The following FIG4 variants were observed in gnomAD, a reference collection of about 807,000 sequenced individuals.
FIG4 encodes the protein polyphosphoinositide phosphatase.
A neutral mutation model predicts 118.6 loss-of-function variants in FIG4; 112 were observed. The observed-to-expected ratio is 0.94, with a 90% CI of 0.81 to 1.11. FIG4 has a LOEUF of 1.11. Ranked by LOEUF, FIG4 falls within the 50% of genes least tolerant of loss-of-function variation. The probability of loss-of-function intolerance (pLI) is 0.00; values close to 1 mark genes in which losing one functional copy is unlikely to be tolerated. For missense variants in FIG4, 969 were observed against 1,111.7 expected (o/e 0.87, Z 1.83); for synonymous variants, 369 against 381.2 (o/e 0.97, Z 0.37).
At chr6:109,795,323 A>G (rs1384413662) in intron 21 of FIG4, among the ~76,000 whole-genome samples, 1 of 151,866 alleles carries the variant, frequency 6.6e-6, no homozygotes, top group Non-Finnish European at 1.5e-5. Flanking sequence ...TTCTGTACAA[A>G]TAATCAGTAC....
At chr6:109,813,671 G>C (rs1234595128) in intron 22 of FIG4, among the ~76,000 whole-genome samples, 1 of 152,156 alleles carries the variant, frequency 6.6e-6, no homozygotes, top group African/African-American at 2.4e-5. Flanking sequence ...ATATCCTCTT[G>C]TAATCTCCTC....
At chr6:109,694,458 G>A (rs114167998) in intron 1 of FIG4, among the ~76,000 whole-genome samples, 2,118 of 152,272 alleles carry the variant, frequency 0.014, 50 homozygotes, top group African/African-American at 0.047. Flanking sequence ...AAAGGCTTAA[G>A]TGCAAGACCC....
chr6:109,718,982 G>A (rs1049411220), intron 3 of FIG4, among the ~76,000 whole-genome samples: 1 of 149,720 alleles, frequency 6.7e-6, no homozygotes, highest in Non-Finnish European at 1.5e-5. Flanking sequence ...GCAGTGGCGC[G>A]ACCTTGGCTA....
At chr6:109,762,526 T>C (rs933979864) in intron 12 of FIG4, among the ~76,000 whole-genome samples, 4 of 151,660 alleles carry the variant, frequency 2.6e-5, no homozygotes, top group East Asian at 3.9e-4. Flanking sequence ...TTTTTTCTTA[T>C]AGATTACATA....
intron 4 of FIG4, among the ~76,000 whole-genome samples, chr6:109,729,295 T>TA (rs1343567894): frequency 6.6e-6 from 1 of 152,192 alleles, no homozygotes; most frequent in Non-Finnish European, 1.5e-5. Flanking sequence ...TAAAAGGTTT[T>TA]AGCAAACTAG....
At chr6:109,772,692 A>T (rs916585136) in intron 15 of FIG4, among the ~76,000 whole-genome samples, 1 of 152,100 alleles carries the variant, frequency 6.6e-6, no homozygotes, top group African/African-American at 2.4e-5. Context: ...ACCTCAGGTG[A>T]TCTGCCCGCC....
At position 109,722,096 on chromosome 6, in the gene FIG4, C is replaced by T. The variant is rs149723589; in HGVS notation, c.290-5013C>T. Among the ~76,000 whole-genome samples the T allele has an allele frequency of 1.9e-3, 280 of 151,084 alleles. 4 individuals carry two copies. Among genetic ancestry groups the T allele is most frequent in the Middle Eastern group, 7.0e-3 (2 of 286 alleles). On this transcript the variant is annotated intron_variant, in intron 3 of 22. Coordinates refer to ENST00000230124, the MANE Select transcript of FIG4 (RefSeq NM_014845.6). ...GTGTGTGCTGCTTCTGAAATGCTTA[C>T]TTTTGTAAGTTTTATATTTCTGAAA...
At chr6:109,782,632 C>G (rs1271011557) in intron 16 of FIG4, among the ~76,000 whole-genome samples, 1 of 152,152 alleles carries the variant, frequency 6.6e-6, no homozygotes, top group Non-Finnish European at 1.5e-5. Flanking sequence ...GATAACTTCT[C>G]TACTTTACTC....
intron 4 of FIG4, among the ~76,000 whole-genome samples, chr6:109,731,801 A>G (rs1039310966): frequency 2.0e-5 from 3 of 152,124 alleles, no homozygotes; most frequent in Non-Finnish European, 2.9e-5. Flanking sequence ...CCAATCCCCC[A>G]CAGATACCGA....
At chr6:109,817,176 A>C (rs965205532) in intron 22 of FIG4, among the ~76,000 whole-genome samples, 5 of 152,188 alleles carry the variant, frequency 3.3e-5, no homozygotes, top group Non-Finnish European at 7.3e-5. Flanking sequence ...CTTTGTTGGC[A>C]GAAAAGCCCT....
chr6:109,716,838 T>C (rs1240029343), intron 3 of FIG4, among the ~76,000 whole-genome samples: 2 of 152,194 alleles, frequency 1.3e-5, no homozygotes, highest in African/African-American at 4.8e-5. Flanking sequence ...GTCTGTCTCA[T>C]TGATGAATGA....
At chr6:109,719,848 T>C (rs1775553113) in intron 3 of FIG4, among the ~76,000 whole-genome samples, 1 of 152,228 alleles carries the variant, frequency 6.6e-6, no homozygotes, top group Non-Finnish European at 1.5e-5. Flanking sequence ...GCTTTTAGCA[T>C]ATTCCTAGCC....
At chr6:109,738,231 G>T (rs1776217605) in intron 6 of FIG4, 94 bp from the exon 7 acceptor site, 2 of 1,059,298 alleles carry the variant, frequency 1.9e-6, no homozygotes, top group East Asian at 2.4e-5. Context: ...TTGAATGTCA[G>T]CCAATTTCCA....
chr6:109,747,940 G>T (rs935274331), intron 10 of FIG4, among the ~76,000 whole-genome samples: 2 of 152,030 alleles, frequency 1.3e-5, no homozygotes, highest in Non-Finnish European at 2.9e-5. Flanking sequence ...CATGAACCAT[G>T]GCGCCTGGCT....
At chr6:109,772,334 A>G (rs550887431) in intron 15 of FIG4, among the ~76,000 whole-genome samples, 22 of 152,276 alleles carry the variant, frequency 1.4e-4, no homozygotes, top group Admixed American at 8.5e-4. Flanking sequence ...TATCACATTC[A>G]GCTTTTGACT....
At chr6:109,712,513 T>G (rs1775297205) in intron 1 of FIG4, among the ~76,000 whole-genome samples, 1 of 152,208 alleles carries the variant, frequency 6.6e-6, no homozygotes, top group South Asian at 2.1e-4. Flanking sequence ...CTGAGATTCT[T>G]TCCTCCGCTT....
chr6:109,742,506 C>T (rs1776356295), intron 8 of FIG4, among the ~76,000 whole-genome samples: 1 of 152,016 alleles, frequency 6.6e-6, no homozygotes. Context: ...CAACATTGTT[C>T]TTAAAATTAT....
At chr6:109,702,589 A>G (rs778749330) in intron 1 of FIG4, among the ~76,000 whole-genome samples, 2 of 152,166 alleles carry the variant, frequency 1.3e-5, no homozygotes, top group South Asian at 2.1e-4. Flanking sequence ...TTGCATGTAT[A>G]TATGCCTTTA....
chr6:109,795,894 C>T (rs912477143), intron 21 of FIG4, among the ~76,000 whole-genome samples: 2 of 152,128 alleles, frequency 1.3e-5, no homozygotes, highest in Non-Finnish European at 2.9e-5. Context: ...AGCCACTGCG[C>T]GTGGCCTGGA....
Sources: gnomAD v4.1 joint callset for allele counts (sites outside exome capture counted in the v4.1 genomes callset) on GRCh38, gnomAD v4.1.1 for gene constraint, MANE v1.5 for transcripts, NCBI Gene and HGNC (gene_info 2026-07-23, HGNC 2026-07-21) for gene names.